CPNE4: variants seen among roughly 807,000 people sequenced by gnomAD.
CPNE4 encodes copine-4.
CPNE4 carries 25 observed loss-of-function variants against 67.9 expected under a neutral mutation model. That is an observed-to-expected ratio of 0.37 (90% CI 0.27 to 0.51). CPNE4 has a LOEUF of 0.51. Among genes scored for constraint, CPNE4 ranks in the 20% least tolerant of loss-of-function variants. The probability of loss-of-function intolerance (pLI) is 0.93; values close to 1 mark genes in which losing one functional copy is unlikely to be tolerated. For synonymous variants in CPNE4, 242 were observed against 244.9 expected, an observed-to-expected ratio of 0.99 and a Z score of 0.11; for missense variants, 464 against 690.8, an observed-to-expected ratio of 0.67 and a Z score of 3.68.
intron 7 of CPNE4, among the ~76,000 whole-genome samples, chr3:131,666,965 T>C (rs1363613822): frequency 3.3e-5 from 5 of 152,230 alleles, no homozygotes; most frequent in Non-Finnish European, 7.3e-5. Flanking sequence ...GAATATTTGG[T>C]GGCATTAAGG....
At chr3:131,908,127 G>C (rs935705586) in intron 1 of CPNE4, among the ~76,000 whole-genome samples, 1 of 152,112 alleles carries the variant, frequency 6.6e-6, no homozygotes, top group Non-Finnish European at 1.5e-5. Flanking sequence ...AATGTACCAA[G>C]GAACAGTGGA....
intron 6 of CPNE4, among the ~76,000 whole-genome samples, chr3:131,683,700 C>A (rs1381353223): frequency 1.3e-5 from 2 of 152,068 alleles, no homozygotes; most frequent in African/African-American, 2.4e-5. Flanking sequence ...AGCCCACTGG[C>A]TATGAGTCCA....
intron 3 of CPNE4, among the ~76,000 whole-genome samples, chr3:131,701,510 A>G (rs1004093854): frequency 1.6e-4 from 25 of 152,332 alleles, no homozygotes; most frequent in African/African-American, 5.8e-4. Context: ...ACTATCTTAT[A>G]TCTTATATCT....
At chr3:131,673,178 A>G (rs1021808509) in intron 6 of CPNE4, among the ~76,000 whole-genome samples, 6 of 151,894 alleles carry the variant, frequency 4.0e-5, no homozygotes, top group African/African-American at 1.5e-4. Context: ...TGGGTTCTCT[A>G]TTCTGTTCCA....
chr3:131,539,834 G>T lies in CPNE4; in HGVS notation c.1539+2723C>A, dbSNP rs1326463902. Among the ~76,000 whole-genome samples the T allele has an allele frequency of 2.0e-5, 3 of 152,240 alleles. No homozygotes were observed. The East Asian group carries it at 5.8e-4, about 29-fold the overall frequency. Reference sequence around the variant, plus strand: ...ATTCAGTGATGTGTCTATCTATTTTGTCTGTCTGAAAAGAATGCAGCATTA... The same window carrying T: ...ATTCAGTGATGTGTCTATCTATTTTTTCTGTCTGAAAAGAATGCAGCATTA... On this transcript the variant is annotated intron_variant, in intron 15 of 15. Coordinates refer to ENST00000429747, the MANE Select transcript of CPNE4 (RefSeq NM_130808.3).
chr3:131,811,969 G>A (rs920125302), intron 2 of CPNE4, among the ~76,000 whole-genome samples: 1 of 152,114 alleles, frequency 6.6e-6, no homozygotes, highest in African/African-American at 2.4e-5. Flanking sequence ...AAGCACTATT[G>A]CAGGGTATTG....
intron 1 of CPNE4, among the ~76,000 whole-genome samples, chr3:131,973,786 T>G (rs2072569786): frequency 6.6e-6 from 1 of 152,202 alleles, no homozygotes; most frequent in Non-Finnish European, 1.5e-5. Flanking sequence ...TAAGGTCAAT[T>G]TAATTTGTTT....
At chr3:131,606,466 C>T (rs1939510583) in intron 7 of CPNE4, among the ~76,000 whole-genome samples, 1 of 152,086 alleles carries the variant, frequency 6.6e-6, no homozygotes, top group Non-Finnish European at 1.5e-5. Flanking sequence ...GGACTGACCA[C>T]CCTCAGATAA....
At chr3:131,929,218 A>ACG (rs147184357) in intron 1 of CPNE4, among the ~76,000 whole-genome samples, 29,454 of 137,700 alleles carry the variant, frequency 0.21, 3,496 homozygotes, top group Admixed American at 0.33. Context: ...AAAAAAAAAA[A>ACG]GATTTTCAGA....
intron 2 of CPNE4, among the ~76,000 whole-genome samples, chr3:131,872,434 T>C (rs746204678): frequency 6.6e-6 from 1 of 152,096 alleles, no homozygotes; most frequent in South Asian, 2.1e-4. Context: ...ATGTCCCAGT[T>C]TGAAGGCAGT....
intron 2 of CPNE4, among the ~76,000 whole-genome samples, chr3:131,767,715 A>G (rs889508796): frequency 6.6e-6 from 1 of 152,288 alleles, no homozygotes; most frequent in East Asian, 1.9e-4. Flanking sequence ...ACTTTGAGCC[A>G]GAAAGATTTC....
At chr3:131,596,466 C>CAA (rs1938863727) in intron 7 of CPNE4, among the ~76,000 whole-genome samples, 1 of 136,050 alleles carries the variant, frequency 7.4e-6, no homozygotes, top group Non-Finnish European at 1.6e-5. Context: ...ACTAAAAATA[C>CAA]AAAAAATTAG....
chr3:131,706,692 A>G (rs1397129895), intron 3 of CPNE4, among the ~76,000 whole-genome samples: 1 of 152,226 alleles, frequency 6.6e-6, no homozygotes, highest in Non-Finnish European at 1.5e-5. Flanking sequence ...TTCAAGTCTG[A>G]TAAGAAACAT....
chr3:131,566,375 A>G (rs1418259543), intron 10 of CPNE4, among the ~76,000 whole-genome samples: 4 of 151,814 alleles, frequency 2.6e-5, no homozygotes, highest in Non-Finnish European at 5.9e-5. Flanking sequence ...GGAGACCAAT[A>G]AAGTCCAGTG....
chr3:131,729,252 AAC>A (rs1448708143), intron 2 of CPNE4, among the ~76,000 whole-genome samples: 1 of 152,188 alleles, frequency 6.6e-6, no homozygotes, highest in Non-Finnish European at 1.5e-5. Flanking sequence ...TATTCCTTCA[AAC>A]TGATATTCTT....
intron 7 of CPNE4, among the ~76,000 whole-genome samples, chr3:131,610,865 G>A (rs969924580): frequency 1.3e-5 from 2 of 152,170 alleles, no homozygotes; most frequent in African/African-American, 2.4e-5. Flanking sequence ...TCATCCAAGT[G>A]TACGGGGAGT....
chr3:131,675,750 A>G (rs1305105473), intron 6 of CPNE4, among the ~76,000 whole-genome samples: 4 of 126,644 alleles, frequency 3.2e-5, no homozygotes, highest in African/African-American at 1.0e-4. Flanking sequence ...GTTTTTATCC[A>G]TTCGGCAACC....
intron 11 of CPNE4, among the ~76,000 whole-genome samples, 188 bp downstream of exon 11, chr3:131,564,028 G>T (rs1936928151): frequency 6.6e-6 from 1 of 152,048 alleles, no homozygotes; most frequent in African/African-American, 2.4e-5. Flanking sequence ...GCTGAGAAAG[G>T]ATTTGTTTGG....
intron 3 of CPNE4, among the ~76,000 whole-genome samples, chr3:131,704,249 C>T (rs1371112020): frequency 6.6e-6 from 1 of 152,192 alleles, no homozygotes; most frequent in African/African-American, 2.4e-5. Context: ...CCAATTCAGG[C>T]ATCTCTTTGC....
Sources: gnomAD v4.1 joint callset for allele counts (sites outside exome capture counted in the v4.1 genomes callset) on GRCh38, gnomAD v4.1.1 for gene constraint, MANE v1.5 for transcripts, NCBI Gene and HGNC (gene_info 2026-07-23, HGNC 2026-07-21) for gene names.